FRMD4A: variants seen among roughly 807,000 people sequenced by gnomAD.
FRMD4A encodes the protein FERM domain-containing protein 4A.
In FRMD4A, 29 loss-of-function variants were observed where a neutral mutation model predicts 129.1. The observed-to-expected ratio is 0.22, with a 90% confidence interval of 0.17 to 0.31. FRMD4A has a LOEUF of 0.31. Ranked by LOEUF, FRMD4A falls within the 10% of genes least tolerant of loss-of-function variation. The pLI is 1.00. For missense variants in FRMD4A, 1,272 were observed against 1,375.8 expected (o/e 0.92, Z 1.19); for synonymous variants, 634 against 571.6 (o/e 1.11, Z -1.56).
At chr10:13,698,392 G>A (rs1322370351) in intron 14 of FRMD4A, among the ~76,000 whole-genome samples, 4 of 152,144 alleles carry the variant, frequency 2.6e-5, no homozygotes, top group Non-Finnish European at 5.9e-5. Flanking sequence ...GAAATGTTAT[G>A]AAGCTCTCTG....
intron 2 of FRMD4A, among the ~76,000 whole-genome samples, chr10:14,057,162 T>G (rs1834573783): frequency 6.6e-6 from 1 of 152,232 alleles, no homozygotes. Flanking sequence ...CAGCGGATGT[T>G]ATGTAATGTA....
At chr10:13,804,556 T>TTCTTTTC (rs757466191) in intron 4 of FRMD4A, among the ~76,000 whole-genome samples, 1 of 151,860 alleles carries the variant, frequency 6.6e-6, no homozygotes, top group African/African-American at 2.4e-5. Context: ...TATTTCTTTT[T>TTCTTTTC]TTTGTTGAGA....
At chr10:13,771,094 T>A (rs1014298930) in intron 6 of FRMD4A, among the ~76,000 whole-genome samples, 1 of 152,164 alleles carries the variant, frequency 6.6e-6, no homozygotes, top group African/African-American at 2.4e-5. Flanking sequence ...CATTTTTTTT[T>A]AAGAGATGAG....
intron 2 of FRMD4A, among the ~76,000 whole-genome samples, chr10:13,928,087 C>T (rs2095154445): frequency 6.8e-6 from 1 of 147,304 alleles, no homozygotes; most frequent in Non-Finnish European, 1.5e-5. Context: ...GTGGTGCAAT[C>T]TTGGCTCCTT....
At chr10:14,020,584 G>T (rs1262543242) in intron 2 of FRMD4A, among the ~76,000 whole-genome samples, 1 of 152,148 alleles carries the variant, frequency 6.6e-6, no homozygotes, top group Non-Finnish European at 1.5e-5. Context: ...TCTTATTTAG[G>T]TTTTTAGCCT....
chr10:14,043,995 TA>T (rs1833886392), intron 2 of FRMD4A, among the ~76,000 whole-genome samples: 1 of 152,174 alleles, frequency 6.6e-6, no homozygotes, highest in Non-Finnish European at 1.5e-5. Flanking sequence ...CCTGGCTATT[TA>T]TTAAAACTTA....
At chr10:13,838,250 T>TG (rs1190263530) in intron 3 of FRMD4A, among the ~76,000 whole-genome samples, 1 of 137,506 alleles carries the variant, frequency 7.3e-6, no homozygotes, top group African/African-American at 2.8e-5. Context: ...CATGCAGAGC[T>TG]AATTTTTTTT....
chr10:13,706,919 C>T, intron 13 of FRMD4A, 118 bp downstream of exon 13: 3 of 631,242 alleles, frequency 4.8e-6, no homozygotes, highest in South Asian at 3.6e-5. Context: ...CCCAGGAGCC[C>T]CCACCCTCGC....
chr10:14,024,523 T>C (rs12770836), intron 2 of FRMD4A, among the ~76,000 whole-genome samples: 47,551 of 152,054 alleles, frequency 0.31, 7,583 homozygotes, highest in East Asian at 0.47. Context: ...CAAGGCAGGG[T>C]TGCCACTAAT....
At chr10:14,213,941 A>G (rs1842999608) in intron 2 of FRMD4A, among the ~76,000 whole-genome samples, 1 of 152,166 alleles carries the variant, frequency 6.6e-6, no homozygotes, top group African/African-American at 2.4e-5. Context: ...CCCATGTAAG[A>G]CATGCCTTTC....
intron 2 of FRMD4A, among the ~76,000 whole-genome samples, chr10:13,869,195 A>G (rs764756002): frequency 1.1e-4 from 17 of 152,246 alleles, no homozygotes; most frequent in Non-Finnish European, 1.9e-4. Context: ...CCATCTCCAC[A>G]TGAATGCTAC....
chr10:13,745,076 C>T (rs1313117726), intron 9 of FRMD4A, among the ~76,000 whole-genome samples: 1 of 152,086 alleles, frequency 6.6e-6, no homozygotes, highest in Non-Finnish European at 1.5e-5. Context: ...TGTAATGTTC[C>T]CAACACAAAG....
chr10:14,121,407 AAC>A (rs1034566648), intron 2 of FRMD4A, among the ~76,000 whole-genome samples: 26 of 152,122 alleles, frequency 1.7e-4, no homozygotes, highest in African/African-American at 6.0e-4. Context: ...ACAAACAAAA[AAC>A]ACAGATTCTG....
At chr10:14,147,277 G>C (rs1705567391) in intron 2 of FRMD4A, among the ~76,000 whole-genome samples, 1 of 152,160 alleles carries the variant, frequency 6.6e-6, no homozygotes, top group African/African-American at 2.4e-5. Context: ...ATTCCTAAGA[G>C]TGGGAGAGTT....
At chr10:13,847,887 A>G (rs1044390136) in intron 3 of FRMD4A, among the ~76,000 whole-genome samples, 1 of 152,246 alleles carries the variant, frequency 6.6e-6, no homozygotes, top group Non-Finnish European at 1.5e-5. Flanking sequence ...CAAGAACTTG[A>G]ATTAAGCAAT....
At chr10:14,261,068 G>A (rs569173957) in intron 2 of FRMD4A, among the ~76,000 whole-genome samples, 2 of 152,210 alleles carry the variant, frequency 1.3e-5, no homozygotes, top group African/African-American at 4.8e-5. Flanking sequence ...AAACATATGG[G>A]ACTGAGAGGA....
chr10:13,922,190 C>CTGT (rs1452275652), intron 2 of FRMD4A, among the ~76,000 whole-genome samples: 1 of 152,118 alleles, frequency 6.6e-6, no homozygotes, highest in Non-Finnish European at 1.5e-5. Context: ...AAATAAATGT[C>CTGT]TGTTGGTTAA....
At chr10:14,118,352 ACT>A (rs1211693308) in intron 2 of FRMD4A, among the ~76,000 whole-genome samples, 2 of 152,090 alleles carry the variant, frequency 1.3e-5, no homozygotes, top group Non-Finnish European at 2.9e-5. Context: ...GGGGACCCAG[ACT>A]CTGTAAATTT....
At chr10:13,951,692 C>T (rs1217113006) in intron 2 of FRMD4A, among the ~76,000 whole-genome samples, 3 of 151,716 alleles carry the variant, frequency 2.0e-5, no homozygotes, top group Non-Finnish European at 2.9e-5. Context: ...TAGTTCAAGA[C>T]GAGCCTGGCC....
Sources: allele counts gnomAD v4.1 joint callset (sites outside exome capture counted in the v4.1 genomes callset), GRCh38; gene constraint gnomAD v4.1.1; transcripts MANE v1.5; gene names NCBI Gene and HGNC (gene_info 2026-07-23, HGNC 2026-07-21).